The following ADCY1 variants were observed in gnomAD, a reference collection of about 807,000 sequenced individuals.
ADCY1 encodes the protein adenylate cyclase type 1.
ADCY1 carries 28 observed loss-of-function variants against 105.4 expected under a neutral mutation model. That is an observed-to-expected ratio of 0.27 (90% confidence interval 0.20 to 0.36). ADCY1 has a LOEUF of 0.36. ADCY1 is among the 10% of genes least tolerant of loss of function. ADCY1 has a pLI of 1.00. For synonymous variants in ADCY1, 655 were observed against 623.8 expected (o/e 1.05, Z -0.75); for missense variants, 977 against 1,434.2 (o/e 0.68, Z 5.15).
rs1249714129 is a variant in ADCY1, at chr7:45,677,863, C to T, written c.1606-6C>T. On this transcript the variant is annotated splice_region_variant and splice_polypyrimidine_tract_variant and intron_variant, in intron 8 of 19. Transcript: ENST00000297323. The stretch of plus-strand genomic sequence containing the variant: ...TGATACTCCTTTATTTCCATGATGG[C>T]TCCAGCGGAGGGCATTAAGAACAGC... 9.3e-6 allele frequency: 15 copies of T among 1,612,674 alleles called. No homozygotes were observed. Among genetic ancestry groups the T allele is most frequent in the Non-Finnish European group, 1.3e-5 (15 of 1,179,438 alleles).
intron 6 of ADCY1, among the ~76,000 whole-genome samples, chr7:45,658,880 C>T (rs528605067): frequency 3.3e-5 from 5 of 152,158 alleles, no homozygotes; most frequent in Non-Finnish European, 7.4e-5. Flanking sequence ...TTGCCGTGAG[C>T]GCCCTGCCTG....
At position 45,686,299 on chromosome 7, in the gene ADCY1, A is replaced by G. The variant is rs1416890448; in HGVS notation, c.2327+84A>G. Reference sequence around the variant, plus strand: ...TACAGATATGCACTACAGGCTTCTGAGTCCAGAACTAGTCAAGTTGAATTG... The same window carrying G: ...TACAGATATGCACTACAGGCTTCTGGGTCCAGAACTAGTCAAGTTGAATTG... On this transcript the variant is annotated intron_variant, in intron 13 of 19. Coordinates refer to ENST00000297323, the MANE Select transcript of ADCY1 (RefSeq NM_021116.4). The surrounding 1 kb of genome is among the most constrained non-coding windows in gnomAD (Gnocchi z 4.3). The G allele has an allele frequency of 6.6e-7, 1 of 1,521,836 alleles. No individual in the cohort carries two copies. Among genetic ancestry groups the G allele is most frequent in the African/African-American group, 1.4e-5 (1 of 72,158 alleles). 94.3% of individuals were successfully genotyped at this position (1,521,836 alleles called of 1,614,324 possible).
intron 8 of ADCY1, among the ~76,000 whole-genome samples, chr7:45,668,959 G>T (rs1464805896): frequency 1.3e-5 from 2 of 152,180 alleles, no homozygotes; most frequent in Admixed American, 6.5e-5. Flanking sequence ...TTGTATTTCT[G>T]TGGGATCGGT....
intron 1 of ADCY1, among the ~76,000 whole-genome samples, chr7:45,589,038 G>T (rs1433816448): frequency 6.6e-6 from 1 of 152,170 alleles, no homozygotes; most frequent in South Asian, 2.1e-4. Context: ...TCATTTGGGA[G>T]GTACTACAGT....
intron 1 of ADCY1, among the ~76,000 whole-genome samples, chr7:45,581,388 C>A (rs6975096): frequency 0.03 from 4,595 of 152,268 alleles, 94 homozygotes; most frequent in African/African-American, 0.055. Flanking sequence ...TGGTCTTGAT[C>A]AAATGTTGGG....
At chr7:45,625,119 G>A (rs1362252654) in intron 4 of ADCY1, among the ~76,000 whole-genome samples, 1 of 152,202 alleles carries the variant, frequency 6.6e-6, no homozygotes, top group Admixed American at 6.5e-5. Context: ...GCTGCTCATG[G>A]TGCTGGGCTG....
chr7:45,633,600 G>A (rs955649910), intron 4 of ADCY1, among the ~76,000 whole-genome samples: 6 of 151,968 alleles, frequency 3.9e-5, no homozygotes, highest in Non-Finnish European at 8.8e-5. Context: ...TCAAGAGATC[G>A]AGACCATTCT....
At chr7:45,677,600 C>T (rs910576753) in intron 8 of ADCY1, among the ~76,000 whole-genome samples, 1 of 152,146 alleles carries the variant, frequency 6.6e-6, no homozygotes, top group Non-Finnish European at 1.5e-5. Context: ...CTCCCCACTG[C>T]AAACGTGTTT....
rs371218418 is a variant in ADCY1, at chr7:45,704,965, C to T, written c.2817+349C>T. On this transcript the variant is annotated intron_variant, in intron 17 of 19. Transcript: ENST00000297323. ...CCCCCACCTTCCTCCCTGCTTGCCC[C>T]TCTCTTCTCCTCCCATCAGCCTTGC... Among the ~76,000 whole-genome samples the T allele has an allele frequency of 1.0e-3, 151 of 151,522 alleles. 2 individuals are homozygous for T. The East Asian group carries it at 0.022, about 22-fold the overall frequency.
At chr7:45,618,953 A>G (rs1793815080) in intron 3 of ADCY1, among the ~76,000 whole-genome samples, 1 of 152,214 alleles carries the variant, frequency 6.6e-6, no homozygotes, top group Non-Finnish European at 1.5e-5. Context: ...CTAGATGTGG[A>G]ATCATCCTAA....
intron 5 of ADCY1, among the ~76,000 whole-genome samples, chr7:45,656,040 C>T (rs1415000209): frequency 6.6e-6 from 1 of 152,026 alleles, no homozygotes; most frequent in East Asian, 1.9e-4. Flanking sequence ...GTAATCCCAG[C>T]ACTTTGGGAG....
intron 8 of ADCY1, among the ~76,000 whole-genome samples, chr7:45,675,717 C>G (rs1007492440): frequency 1.3e-5 from 2 of 151,976 alleles, no homozygotes; most frequent in African/African-American, 4.8e-5. Flanking sequence ...AGAAATGATG[C>G]TATCATTCTA....
chr7:45,613,400 G>A (rs73318968), intron 3 of ADCY1, among the ~76,000 whole-genome samples: 1,976 of 152,178 alleles, frequency 0.013, 30 homozygotes, highest in African/African-American at 0.034. Flanking sequence ...TGATAGAGGG[G>A]CAAAAGGAAA....
At chr7:45,674,064 T>C (rs1784413798) in intron 8 of ADCY1, among the ~76,000 whole-genome samples, 1 of 148,818 alleles carries the variant, frequency 6.7e-6, no homozygotes. Context: ...CTGTGGCTAA[T>C]TTAGAAATGC....
chr7:45,700,313 G>A (rs550280913), intron 14 of ADCY1, among the ~76,000 whole-genome samples: 2 of 152,282 alleles, frequency 1.3e-5, no homozygotes, highest in African/African-American at 4.8e-5. Flanking sequence ...ATCTTTCTTC[G>A]TCCCGTCGGT....
At chr7:45,669,345 G>T (rs919861425) in intron 8 of ADCY1, among the ~76,000 whole-genome samples, 1 of 152,100 alleles carries the variant, frequency 6.6e-6, no homozygotes. Context: ...GTTCTCGTTG[G>T]TTTCAAAGAA....
chr7:45,711,867 A>C (rs1348623034), intron 19 of ADCY1, among the ~76,000 whole-genome samples: 1 of 84,092 alleles, frequency 1.2e-5, no homozygotes, highest in African/African-American at 4.8e-5. Flanking sequence ...TTTTATTAAT[A>C]TATATTAAAT....
intron 5 of ADCY1, among the ~76,000 whole-genome samples, chr7:45,650,131 A>G (rs114323173): frequency 0.01 from 1,571 of 152,326 alleles, 24 homozygotes; most frequent in African/African-American, 0.036. Context: ...ATGACATCAT[A>G]CATCACCTTA....
At chr7:45,711,744 C>CGT (rs1001801065) in intron 19 of ADCY1, among the ~76,000 whole-genome samples, 1 of 135,712 alleles carries the variant, frequency 7.4e-6, no homozygotes, top group East Asian at 2.1e-4. Context: ...TGTATATATA[C>CGT]GTGTGTGTAT....
Sources: allele counts gnomAD v4.1 joint callset (sites outside exome capture counted in the v4.1 genomes callset), GRCh38; gene constraint gnomAD v4.1.1; non-coding constraint Gnocchi (gnomAD v3.1); transcripts MANE v1.5; gene names NCBI Gene and HGNC (gene_info 2026-07-23, HGNC 2026-07-21).